The following KANSL1L variants were observed in gnomAD, a reference collection of about 807,000 sequenced individuals.
KANSL1L encodes the protein KAT8 regulatory NSL complex subunit 1-like protein.
In KANSL1L, 25 loss-of-function variants were observed where a neutral mutation model predicts 108.6. The observed-to-expected ratio is 0.23, with a 90% CI of 0.17 to 0.32. KANSL1L has a LOEUF of 0.32. KANSL1L is among the 10% of genes least tolerant of loss of function. The probability of loss-of-function intolerance (pLI) is 1.00; values close to 1 mark genes in which losing one functional copy is unlikely to be tolerated. For synonymous variants in KANSL1L, 405 were observed against 395.1 expected (o/e 1.03, Z -0.30); for missense variants, 1,137 against 1,125.7 (o/e 1.01, Z -0.14).
intron 9 of KANSL1L, chr2:210,030,669 T>C (rs1296863280): frequency 1.3e-5 from 2 of 151,858 alleles, no homozygotes; most frequent in Non-Finnish European, 2.9e-5. Context: ...TATTTAAATA[T>C]CTCCATTTGT....
chr2:210,128,145 CT>C (rs2095086057), intron 3 of KANSL1L, among the ~76,000 whole-genome samples: 1 of 152,046 alleles, frequency 6.6e-6, no homozygotes, highest in Non-Finnish European at 1.5e-5. Flanking sequence ...AAATCTGAAC[CT>C]TGTGTACTGC....
At chr2:210,118,008 AC>A (rs1225616923) in intron 3 of KANSL1L, among the ~76,000 whole-genome samples, 1 of 151,798 alleles carries the variant, frequency 6.6e-6, no homozygotes, top group Non-Finnish European at 1.5e-5. Context: ...TACTAAAAAT[AC>A]AAAAAAATTA....
At position 210,039,099 on chromosome 2, in the gene KANSL1L, C is replaced by T. The variant is rs192904137; in HGVS notation, c.2029+1321G>A. On this transcript the variant is annotated intron_variant, in intron 8 of 14. Transcript: ENST00000281772. Reference sequence around the variant, plus strand: ...GTTTTAGTGATTATAACTTCATAGTCCTGCTATTAATCTTCTAAAAATGTA... The same window carrying T: ...GTTTTAGTGATTATAACTTCATAGTTCTGCTATTAATCTTCTAAAAATGTA... Among the ~76,000 whole-genome samples, 187 of 151,932 alleles carry T rather than the reference C, an allele frequency of 1.2e-3. 1 individual carries two copies. The highest frequency in any genetic ancestry group is 4.2e-3 in the African/African-American group (176 of 41,526).
chr2:210,137,144 A>C (rs575157477), intron 2 of KANSL1L, among the ~76,000 whole-genome samples: 2 of 152,290 alleles, frequency 1.3e-5, no homozygotes, highest in Admixed American at 6.6e-5. Context: ...AGTTTAATAA[A>C]AATTAAAAAT....
intron 5 of KANSL1L, among the ~76,000 whole-genome samples, chr2:210,083,656 G>A (rs2094609308): frequency 6.6e-6 from 1 of 151,576 alleles, no homozygotes; most frequent in Non-Finnish European, 1.5e-5. Context: ...GTGAAACCCC[G>A]TCTCTACTAA....
At chr2:210,161,951 A>C (rs1295224260) in intron 1 of KANSL1L, among the ~76,000 whole-genome samples, 4 of 151,444 alleles carry the variant, frequency 2.6e-5, no homozygotes, top group Non-Finnish European at 4.4e-5. Flanking sequence ...ATGGGTATGC[A>C]TGGTGGCTCA....
chr2:210,130,134 C>A (rs2095107443), intron 2 of KANSL1L, among the ~76,000 whole-genome samples: 1 of 152,054 alleles, frequency 6.6e-6, no homozygotes, highest in African/African-American at 2.4e-5. Context: ...CAAGAGTGAA[C>A]CCTAATGTAA....
In KANSL1L at chr2:210,022,604, A is replaced by ATGTATG; in HGVS notation, c.*339_*344dup. ...GCTGTCACTTGGCACACAGGTTTGTATGTATGTGTATATATATATGTATGT... is the reference window on the plus strand; with the variant it reads ...GCTGTCACTTGGCACACAGGTTTGTATGTATGTGTATGTGTATATATATATGTATGT... On this transcript the variant is annotated 3_prime_UTR_variant, in exon 15 of 15. Coordinates refer to ENST00000281772, the MANE Select transcript of KANSL1L (RefSeq NM_152519.4). The ATGTATG allele has an allele frequency of 4.9e-6, 1 of 203,960 alleles. No individual in the cohort carries two copies. Among genetic ancestry groups the ATGTATG allele is most frequent in the Non-Finnish European group, 9.9e-6 (1 of 100,580 alleles). 12.6% of individuals were successfully genotyped at this position (203,960 alleles called of 1,614,324 possible). A position where few individuals can be genotyped will look rare whatever the true frequency, so the allele number is the denominator to read the frequency against.
intron 6 of KANSL1L, among the ~76,000 whole-genome samples, chr2:210,050,275 TAAAA>T (rs202157486): frequency 2.4e-4 from 37 of 151,456 alleles, no homozygotes; most frequent in African/African-American, 9.0e-4. Flanking sequence ...ATGGGAGAAA[TAAAA>T]AACAAATGGC....
At chr2:210,070,411 T>A (rs2094499174) in intron 6 of KANSL1L, among the ~76,000 whole-genome samples, 1 of 151,476 alleles carries the variant, frequency 6.6e-6, no homozygotes, top group African/African-American at 2.4e-5. Context: ...TTGTATTTTT[T>A]AGTAGAGATG....
At chr2:210,065,391 C>G (rs914017044) in intron 6 of KANSL1L, among the ~76,000 whole-genome samples, 2 of 148,818 alleles carry the variant, frequency 1.3e-5, no homozygotes, top group Non-Finnish European at 3.0e-5. Context: ...AAGACTGTTT[C>G]TCATTTCCAG....
chr2:210,121,327 G>A (rs1283200612), intron 3 of KANSL1L, among the ~76,000 whole-genome samples: 4 of 152,174 alleles, frequency 2.6e-5, no homozygotes, highest in Non-Finnish European at 4.4e-5. Context: ...AAAAAACAAT[G>A]AGATCATGTC....
chr2:210,161,511 T>C (rs1269209889), intron 1 of KANSL1L, among the ~76,000 whole-genome samples: 2 of 152,248 alleles, frequency 1.3e-5, no homozygotes, highest in African/African-American at 4.8e-5. Context: ...GACACTGCTT[T>C]AGGCAAAGCT....
At chr2:210,039,401 CAG>C (rs2094141177) in intron 8 of KANSL1L, among the ~76,000 whole-genome samples, 1 of 151,826 alleles carries the variant, frequency 6.6e-6, no homozygotes, top group South Asian at 2.1e-4. Flanking sequence ...ATATGTCTAA[CAG>C]AATTTATTCC....
At chr2:210,079,800 T>TG (rs1281385666) in intron 5 of KANSL1L, 6 of 146,546 alleles carry the variant, frequency 4.1e-5, no homozygotes, top group Middle Eastern at 3.6e-3. Context: ...TTCCTTTTTT[T>TG]TTTTTTTAGA....
At chr2:210,060,300 T>C (rs747038931) in intron 6 of KANSL1L, among the ~76,000 whole-genome samples, 5 of 152,204 alleles carry the variant, frequency 3.3e-5, no homozygotes, top group Non-Finnish European at 5.9e-5. Context: ...CTACAAACAC[T>C]ACTTTTGCAA....
chr2:210,086,137 G>T, intron 5 of KANSL1L, among the ~76,000 whole-genome samples: 1 of 151,822 alleles, frequency 6.6e-6, no homozygotes, highest in East Asian at 1.9e-4. Context: ...AAGGATAGTT[G>T]CATGTCACAT....
chr2:210,134,967 G>A (rs896240904), intron 2 of KANSL1L, among the ~76,000 whole-genome samples: 9 of 152,096 alleles, frequency 5.9e-5, no homozygotes, highest in African/African-American at 1.7e-4. Flanking sequence ...AATTCCCAAA[G>A]AGCAAGGTCA....
At chr2:210,057,182 C>T (rs1037463904) in intron 6 of KANSL1L, among the ~76,000 whole-genome samples, 3 of 151,990 alleles carry the variant, frequency 2.0e-5, no homozygotes, top group Non-Finnish European at 4.4e-5. Flanking sequence ...TGGGCAGATC[C>T]CTTGAGGCCA....
Sources: gnomAD v4.1 joint callset for allele counts (sites outside exome capture counted in the v4.1 genomes callset) on GRCh38, gnomAD v4.1.1 for gene constraint, MANE v1.5 for transcripts, NCBI Gene and HGNC (gene_info 2026-07-23, HGNC 2026-07-21) for gene names.